Variants in ZNF804B observed in about 807,000 individuals in gnomAD.
ZNF804B encodes zinc finger protein 804B.
ZNF804B carries 80 observed loss-of-function variants against 101.4 expected under a neutral mutation model. The observed-to-expected ratio is 0.79, with a 90% CI of 0.66 to 0.95. The LOEUF is 0.95. Ranked by LOEUF, ZNF804B falls within the 40% of genes least tolerant of loss-of-function variation. The pLI is 0.00. For synonymous variants in ZNF804B, 622 were observed against 558.8 expected (o/e 1.11, Z -1.59); for missense variants, 1,673 against 1,561.9 (o/e 1.07, Z -1.20).
chr7:88,947,166 T>C (rs1230614149), intron 1 of ZNF804B, among the ~76,000 whole-genome samples: 1 of 151,980 alleles, frequency 6.6e-6, no homozygotes, highest in Non-Finnish European at 1.5e-5. Context: ...CATTACTGGG[T>C]ATATACCCAA....
intron 1 of ZNF804B, among the ~76,000 whole-genome samples, chr7:88,903,886 A>G (rs1032239994): frequency 1.3e-5 from 2 of 152,062 alleles, no homozygotes; most frequent in East Asian, 1.9e-4. Flanking sequence ...ATTTTCTGCC[A>G]TTCTGTAGGT....
chr7:89,096,705 T>G (rs1789977167), intron 1 of ZNF804B, among the ~76,000 whole-genome samples: 1 of 152,220 alleles, frequency 6.6e-6, no homozygotes, highest in Admixed American at 6.5e-5. Context: ...ATTGTCTAAC[T>G]CATTGATATT....
At chr7:88,778,623 C>T (rs1203760462) in intron 1 of ZNF804B, among the ~76,000 whole-genome samples, 2 of 152,178 alleles carry the variant, frequency 1.3e-5, no homozygotes, top group Non-Finnish European at 2.9e-5. Flanking sequence ...GCAGCCTAGG[C>T]TTGAAGCTTG....
intron 2 of ZNF804B, among the ~76,000 whole-genome samples, chr7:89,293,716 G>A (rs1790334226): frequency 6.6e-6 from 1 of 151,916 alleles, no homozygotes; most frequent in Non-Finnish European, 1.5e-5. Context: ...GTGAACCCAG[G>A]AGGCGGAGCT....
chr7:88,845,043 C>T (rs1286513924), intron 1 of ZNF804B, among the ~76,000 whole-genome samples: 1 of 152,094 alleles, frequency 6.6e-6, no homozygotes, highest in Non-Finnish European at 1.5e-5. Context: ...TCCTTCTTTC[C>T]AATCCCATGA....
intron 1 of ZNF804B, among the ~76,000 whole-genome samples, chr7:89,038,903 A>C (rs2116244839): frequency 6.6e-6 from 1 of 152,218 alleles, no homozygotes; most frequent in East Asian, 1.9e-4. Context: ...AGTACCATTT[A>C]TTAATGAAAC....
At chr7:89,197,443 T>G (rs547827762) in intron 1 of ZNF804B, among the ~76,000 whole-genome samples, 15 of 151,884 alleles carry the variant, frequency 9.9e-5, no homozygotes, top group Non-Finnish European at 1.9e-4. Flanking sequence ...ATGGCTTCCT[T>G]TTGCAAATTG....
chr7:89,220,666 C>T (rs1031039879), intron 2 of ZNF804B, among the ~76,000 whole-genome samples: 7 of 151,828 alleles, frequency 4.6e-5, no homozygotes, highest in African/African-American at 1.7e-4. Context: ...TATTATCTAA[C>T]CTAAAAATCA....
chr7:89,096,326 A>G (rs1789972153), intron 1 of ZNF804B, among the ~76,000 whole-genome samples: 1 of 152,100 alleles, frequency 6.6e-6, no homozygotes. Flanking sequence ...ACTAGGGAAG[A>G]ATGGGCTGAG....
At chr7:88,795,953 T>C (rs1310064291) in intron 1 of ZNF804B, among the ~76,000 whole-genome samples, 1 of 152,152 alleles carries the variant, frequency 6.6e-6, no homozygotes, top group African/African-American at 2.4e-5. Flanking sequence ...ATCTTTTTCC[T>C]TTCTTTTTTT....
chr7:89,249,812 C>A (rs1201949396), intron 2 of ZNF804B, among the ~76,000 whole-genome samples: 1 of 152,020 alleles, frequency 6.6e-6, no homozygotes, highest in Non-Finnish European at 1.5e-5. Flanking sequence ...GAAATTGAGA[C>A]CCCAAAATCT....
At chr7:89,138,029 T>C (rs1001883932) in intron 1 of ZNF804B, among the ~76,000 whole-genome samples, 4 of 152,128 alleles carry the variant, frequency 2.6e-5, no homozygotes, top group Admixed American at 2.6e-4. Context: ...GCAGCTTCTA[T>C]GTGGTGTTGA....
At chr7:88,783,332 C>G (rs1790256755) in intron 1 of ZNF804B, among the ~76,000 whole-genome samples, 1 of 151,974 alleles carries the variant, frequency 6.6e-6, no homozygotes, top group Admixed American at 6.6e-5. Context: ...GTCCTGATTT[C>G]AAGGGGAGAA....
chr7:88,812,547 A>T (rs1209579951), intron 1 of ZNF804B, among the ~76,000 whole-genome samples: 2 of 152,222 alleles, frequency 1.3e-5, no homozygotes, highest in Non-Finnish European at 2.9e-5. Flanking sequence ...AGGGTCTCCA[A>T]GAGATATTTG....
At chr7:89,109,006 A>C (rs1360768199) in intron 1 of ZNF804B, among the ~76,000 whole-genome samples, 1 of 152,164 alleles carries the variant, frequency 6.6e-6, no homozygotes, top group African/African-American at 2.4e-5. Context: ...AGGGGAAAAA[A>C]GTCCAACTAA....
chr7:89,106,859 CATT>C (rs2116346398), intron 1 of ZNF804B, among the ~76,000 whole-genome samples: 1 of 152,172 alleles, frequency 6.6e-6, no homozygotes, highest in South Asian at 2.1e-4. Context: ...GTAGGAGATA[CATT>C]ATATCTTTGA....
At chr7:89,287,143 A>C (rs1238467139) in intron 2 of ZNF804B, among the ~76,000 whole-genome samples, 1 of 152,178 alleles carries the variant, frequency 6.6e-6, no homozygotes, top group African/African-American at 2.4e-5. Flanking sequence ...TACATACTAT[A>C]TATGACATAC....
intron 1 of ZNF804B, among the ~76,000 whole-genome samples, chr7:89,089,056 T>C (rs1273115095): frequency 1.3e-5 from 2 of 150,038 alleles, no homozygotes; most frequent in African/African-American, 4.9e-5. Context: ...CCTTTTTTTT[T>C]CTTTTTTTTT....
chr7:89,212,250 G>A (rs1562917444), intron 1 of ZNF804B, among the ~76,000 whole-genome samples: 1 of 104,496 alleles, frequency 9.6e-6, no homozygotes, highest in East Asian at 2.2e-4. Context: ...TGCATTCAGT[G>A]ATACACACAC....
Sources: allele counts gnomAD v4.1 joint callset (sites outside exome capture counted in the v4.1 genomes callset), GRCh38; gene constraint gnomAD v4.1.1; transcripts MANE v1.5; gene names NCBI Gene and HGNC (gene_info 2026-07-23, HGNC 2026-07-21).